The following MDGA2 variants were observed in gnomAD, a reference collection of about 807,000 sequenced individuals.
MDGA2 encodes the protein MAM domain containing glycosylphosphatidylinositol anchor 2, also known as MAM domain-containing glycosylphosphatidylinositol anchor protein 2.
MDGA2 carries 40 observed loss-of-function variants against 117.8 expected under a neutral mutation model. The ratio of observed to expected loss-of-function variants is 0.34; its 90% CI spans 0.26 to 0.44. The LOEUF is 0.44. Ranked by LOEUF, MDGA2 falls within the 20% of genes least tolerant of loss-of-function variation. The pLI is 1.00. For synonymous variants in MDGA2, 452 were observed against 439.0 expected (o/e 1.03, Z -0.37); for missense variants, 1,123 against 1,250.6 (o/e 0.90, Z 1.54).
intron 3 of MDGA2, among the ~76,000 whole-genome samples, chr14:47,145,105 T>C (rs1882888686): frequency 6.6e-6 from 1 of 152,148 alleles, no homozygotes; most frequent in Admixed American, 6.6e-5. Context: ...TTATATTTGT[T>C]AATTTGAAGA....
intron 1 of MDGA2, among the ~76,000 whole-genome samples, chr14:47,519,487 T>C (rs999760530): frequency 5.9e-5 from 9 of 152,200 alleles, no homozygotes; most frequent in African/African-American, 2.2e-4. Context: ...ACATTGTTAC[T>C]CTATCTTAGA....
chr14:47,175,866 G>C (rs1566665855), intron 3 of MDGA2, among the ~76,000 whole-genome samples: 1 of 151,852 alleles, frequency 6.6e-6, no homozygotes. Context: ...AATTGTCCCT[G>C]TTTGCAGACG....
intron 2 of MDGA2, 121 bp downstream of exon 2, chr14:47,301,290 C>A (rs1889271384): frequency 2.1e-6 from 2 of 955,994 alleles, no homozygotes. Flanking sequence ...CACACCCACA[C>A]CCACCCACAC....
chr14:47,169,751 C>T (rs17118124), intron 3 of MDGA2, among the ~76,000 whole-genome samples: 17,249 of 151,718 alleles, frequency 0.11, 1,148 homozygotes, highest in African/African-American at 0.18. Context: ...AATGGCATAA[C>T]AGACAAACTT....
intron 1 of MDGA2, among the ~76,000 whole-genome samples, chr14:47,378,047 T>C (rs1270472294): frequency 6.6e-6 from 1 of 152,162 alleles, no homozygotes; most frequent in African/African-American, 2.4e-5. Flanking sequence ...CATTTGCCGT[T>C]CTGCCATGTT....
At chr14:47,189,085 TAA>T (rs1885015806) in intron 3 of MDGA2, among the ~76,000 whole-genome samples, 1 of 152,094 alleles carries the variant, frequency 6.6e-6, no homozygotes, top group Non-Finnish European at 1.5e-5. Flanking sequence ...ATTTTTCAGT[TAA>T]AAACAAGAAG....
intron 8 of MDGA2, among the ~76,000 whole-genome samples, chr14:46,980,689 A>G (rs1029242588): frequency 6.6e-6 from 1 of 152,204 alleles, no homozygotes; most frequent in African/African-American, 2.4e-5. Flanking sequence ...CCACCACCGC[A>G]TTGAGTCAGC....
intron 10 of MDGA2, among the ~76,000 whole-genome samples, chr14:46,885,870 CTGAGTT>C (rs1328167108): frequency 2.0e-5 from 3 of 152,124 alleles, no homozygotes; most frequent in African/African-American, 7.2e-5. Context: ...CTGAAGGACT[CTGAGTT>C]TAAGAAACCT....
At position 47,155,147 on chromosome 14, in the gene MDGA2, G is replaced by A. The variant is rs566066495; in HGVS notation, c.596-10873C>T. 4.6e-5 allele frequency among the ~76,000 whole-genome samples: 7 copies of A among 152,190 alleles called. 1 individual carries two copies. In the South Asian group the frequency reaches 8.3e-4, roughly 18 times the overall value. On this transcript the variant is annotated intron_variant, in intron 3 of 16. Coordinates refer to ENST00000399232, the MANE Select transcript of MDGA2 (RefSeq NM_001113498.3). Reference sequence around the variant, plus strand: ...ACAGATGCTGCGATGACCTGCCTGCGAAAGGAGGTACCCACTTCAGGTCTC... The same window carrying A: ...ACAGATGCTGCGATGACCTGCCTGCAAAAGGAGGTACCCACTTCAGGTCTC...
intron 1 of MDGA2, among the ~76,000 whole-genome samples, chr14:47,545,895 T>C (rs1161241601): frequency 1.3e-5 from 2 of 152,162 alleles, no homozygotes; most frequent in Non-Finnish European, 2.9e-5. Context: ...GGAATTAATG[T>C]AGCCCACTTT....
At chr14:47,029,028 G>A (rs1434848096) in intron 8 of MDGA2, among the ~76,000 whole-genome samples, 2 of 152,014 alleles carry the variant, frequency 1.3e-5, no homozygotes, top group Non-Finnish European at 2.9e-5. Flanking sequence ...TCACAAAATT[G>A]TTATATTACC....
At chr14:47,347,090 T>C (rs987952360) in intron 1 of MDGA2, among the ~76,000 whole-genome samples, 1 of 152,050 alleles carries the variant, frequency 6.6e-6, no homozygotes, top group Non-Finnish European at 1.5e-5. Flanking sequence ...AAAACAAGGA[T>C]TGAGAAATGA....
intron 1 of MDGA2, among the ~76,000 whole-genome samples, chr14:47,666,615 G>T (rs878865581): frequency 6.6e-6 from 1 of 152,092 alleles, no homozygotes; most frequent in Non-Finnish European, 1.5e-5. Flanking sequence ...CAGACCAATC[G>T]GCTCTCTGTA....
intron 7 of MDGA2, chr14:47,059,441 T>C: frequency 1.9e-6 from 1 of 527,164 alleles, no homozygotes. Flanking sequence ...ACCAATCTCT[T>C]ATTACTAATC....
At chr14:47,144,043 A>C (rs759845172) in intron 4 of MDGA2, 35 bp downstream of exon 4, 14 of 1,430,820 alleles carry the variant, frequency 9.8e-6, no homozygotes, top group East Asian at 5.1e-5. Flanking sequence ...GTATCCTAGC[A>C]GAGTAGGGTG....
intron 1 of MDGA2, among the ~76,000 whole-genome samples, chr14:47,609,465 A>ATACATATATATATATATATATATATACAT: frequency 9.3e-6 from 1 of 107,388 alleles, no homozygotes; most frequent in East Asian, 2.9e-4. Context: ...ATATATATAT[A>ATACATATATATATATATATATATATACAT]AGTTTCTTTA....
intron 1 of MDGA2, among the ~76,000 whole-genome samples, chr14:47,606,274 C>G (rs184383848): frequency 6.6e-6 from 1 of 152,090 alleles, no homozygotes; most frequent in Admixed American, 6.6e-5. Context: ...GATCTACCAG[C>G]CAGGCTAAAG....
chr14:47,672,436 C>A (rs1898091520), intron 1 of MDGA2, among the ~76,000 whole-genome samples: 1 of 152,176 alleles, frequency 6.6e-6, no homozygotes, highest in Non-Finnish European at 1.5e-5. Context: ...GTCTTCTCTG[C>A]TAGATCTTAC....
chr14:47,659,402 A>G (rs1038718844), intron 1 of MDGA2, among the ~76,000 whole-genome samples: 96 of 152,352 alleles, frequency 6.3e-4, no homozygotes, highest in African/African-American at 2.3e-3. Flanking sequence ...AGCAGTCAAT[A>G]GTTAAGCCGC....
Sources: allele counts gnomAD v4.1 joint callset (sites outside exome capture counted in the v4.1 genomes callset), GRCh38; gene constraint gnomAD v4.1.1; transcripts MANE v1.5; gene names NCBI Gene and HGNC (gene_info 2026-07-23, HGNC 2026-07-21).